The following MYO3B variants were observed in gnomAD, a reference collection of about 807,000 sequenced individuals.
MYO3B encodes the protein myosin IIIB.
In MYO3B, 156 loss-of-function variants were observed where a neutral mutation model predicts 174.6. That is an observed-to-expected ratio of 0.89 (90% CI 0.78 to 1.02). The LOEUF (loss-of-function observed/expected upper bound fraction) is 1.02. Ranked by LOEUF, MYO3B falls within the 50% of genes least tolerant of loss-of-function variation. MYO3B has a pLI of 0.00. For synonymous variants in MYO3B, 563 were observed against 569.1 expected, an observed-to-expected ratio of 0.99 and a Z score of 0.15; for missense variants, 1,632 against 1,639.4, an observed-to-expected ratio of 1.00 and a Z score of 0.08.
chr2:170,282,843 C>G (rs1037520597), intron 7 of MYO3B, among the ~76,000 whole-genome samples: 1 of 152,086 alleles, frequency 6.6e-6, no homozygotes, highest in Non-Finnish European at 1.5e-5. Flanking sequence ...GGGTTGCTAT[C>G]GGTGATAGCC....
intron 22 of MYO3B, among the ~76,000 whole-genome samples, chr2:170,409,000 G>A (rs1033830837): frequency 3.9e-4 from 59 of 152,144 alleles, no homozygotes; most frequent in African/African-American, 1.4e-3. Context: ...CCTTACCAGA[G>A]ACCCAGGGAT....
At position 170,356,464 on chromosome 2, in the gene MYO3B, G is replaced by A. The variant is rs999204842; in HGVS notation, c.816-12758G>A. On this transcript the variant is annotated intron_variant, in intron 8 of 34. Coordinates refer to ENST00000408978, the MANE Select transcript of MYO3B (RefSeq NM_138995.5). The stretch of plus-strand genomic sequence containing the variant: ...TGTAACCTCTGCTTCCTGGGTTCAA[G>A]CAGTTCTCCTGCCTCAGCCTCCTGA... Among the ~76,000 whole-genome samples, 14 of 152,180 alleles carry A rather than the reference G, an allele frequency of 9.2e-5. No homozygotes were observed. In the South Asian group the frequency reaches 2.9e-3, roughly 32 times the overall value.
chr2:170,186,980 C>G (rs67159198), intron 1 of MYO3B, among the ~76,000 whole-genome samples: 63,556 of 148,842 alleles, frequency 0.43, 14,850 homozygotes, highest in East Asian at 0.58. Context: ...TCCTTTTCAT[C>G]TCTGATTATA....
chr2:170,540,213 A>G (rs76299690), intron 30 of MYO3B, among the ~76,000 whole-genome samples: 564 of 152,114 alleles, frequency 3.7e-3, no homozygotes, highest in Middle Eastern at 6.8e-3. Context: ...AGTCCCACCT[A>G]CTTCGGAGTC....
chr2:170,357,299 C>T (rs1277106009), intron 8 of MYO3B, among the ~76,000 whole-genome samples: 1 of 146,270 alleles, frequency 6.8e-6, no homozygotes, highest in Admixed American at 6.9e-5. Flanking sequence ...GAGAGAGACT[C>T]CATCTCAAAA....
At chr2:170,597,747 TATA>T (rs952827259) in intron 32 of MYO3B, among the ~76,000 whole-genome samples, 1 of 152,242 alleles carries the variant, frequency 6.6e-6, no homozygotes, top group Admixed American at 6.5e-5. Context: ...GACAAGTAGA[TATA>T]ATAATATCTA....
chr2:170,444,002 G>C lies in MYO3B; in HGVS notation c.2686G>C (p.Ala896Pro), dbSNP rs753999476. The change falls in exon 23 of 35, where the codon GCC (alanine) becomes CCC (proline). Residue 896 changes from alanine (A) to proline (P), a missense_variant. Coordinates refer to ENST00000408978, the MANE Select transcript of MYO3B (RefSeq NM_138995.5). ...LAQTRARITV[A>P]SSSLPPHFSA... ...CCAGACAAGAGCTAGGATAACAGTG[G>C]CCTCAAGTTCTTTGCCTCCACATTT... 1 of 1,613,078 alleles carries C rather than the reference G, an allele frequency of 6.2e-7. No individual in the cohort carries two copies. The highest frequency in any genetic ancestry group is 1.1e-5 in the South Asian group (1 of 90,950).
chr2:170,650,672 CTTTTTTTT>C (rs766676996), intron 32 of MYO3B, among the ~76,000 whole-genome samples: 25 of 76,992 alleles, frequency 3.2e-4, no homozygotes, highest in South Asian at 1.0e-3. Flanking sequence ...TGAATTATGA[CTTTTTTTT>C]TTTTTTTTTT....
intron 32 of MYO3B, among the ~76,000 whole-genome samples, chr2:170,584,933 C>T (rs1189330845): frequency 1.3e-5 from 2 of 152,200 alleles, no homozygotes; most frequent in African/African-American, 4.8e-5. Context: ...AGAACCTTTC[C>T]ACCTTTGTGT....
At chr2:170,637,527 G>C (rs1484060625) in intron 32 of MYO3B, among the ~76,000 whole-genome samples, 1 of 152,230 alleles carries the variant, frequency 6.6e-6, no homozygotes, top group East Asian at 1.9e-4. Context: ...ATGCTAATTT[G>C]TTGAGAAATC....
At chr2:170,592,695 A>C (rs548630524) in intron 32 of MYO3B, among the ~76,000 whole-genome samples, 1 of 152,104 alleles carries the variant, frequency 6.6e-6, no homozygotes, top group Admixed American at 6.5e-5. Context: ...GATCATGTAC[A>C]TTCTCTTTAG....
chr2:170,482,250 A>G (rs1435061283), intron 25 of MYO3B, among the ~76,000 whole-genome samples: 1 of 151,650 alleles, frequency 6.6e-6, no homozygotes, highest in Non-Finnish European at 1.5e-5. Flanking sequence ...CTCCCTCCAG[A>G]TTCAAGTGAT....
intron 30 of MYO3B, 158 bp downstream of exon 30, chr2:170,519,698 G>T (rs1040026121): frequency 1.6e-6 from 1 of 618,498 alleles, no homozygotes; most frequent in African/African-American, 1.9e-5. Flanking sequence ...AGGGCTGGGC[G>T]TGGTGGCTCA....
intron 7 of MYO3B, among the ~76,000 whole-genome samples, chr2:170,331,881 G>A (rs182457225): frequency 4.6e-5 from 7 of 152,158 alleles, no homozygotes; most frequent in Admixed American, 6.5e-5. Flanking sequence ...CCTTTCATAC[G>A]TTGAATCTCT....
intron 32 of MYO3B, among the ~76,000 whole-genome samples, chr2:170,588,331 C>G (rs923622606): frequency 4.6e-5 from 7 of 152,024 alleles, no homozygotes; most frequent in African/African-American, 1.7e-4. Context: ...CCTAGCTACT[C>G]AGGAGGCTGA....
chr2:170,219,166 C>G (rs911719728), intron 6 of MYO3B, among the ~76,000 whole-genome samples: 1 of 152,220 alleles, frequency 6.6e-6, no homozygotes, highest in Non-Finnish European at 1.5e-5. Context: ...TCCCTAATCC[C>G]TTGCCCACAT....
intron 7 of MYO3B, among the ~76,000 whole-genome samples, chr2:170,280,938 AGG>A (rs1559356412): frequency 6.6e-6 from 1 of 152,176 alleles, no homozygotes; most frequent in African/African-American, 2.4e-5. Context: ...CTTTTTGCTT[AGG>A]AGTGCCTTGG....
At chr2:170,505,182 A>AG (rs1687546848) in intron 28 of MYO3B, among the ~76,000 whole-genome samples, 2 of 151,968 alleles carry the variant, frequency 1.3e-5, no homozygotes, top group Admixed American at 1.3e-4. Flanking sequence ...TATGAGATGT[A>AG]GGGGGGAGAG....
chr2:170,309,884 A>G (rs1346829311), intron 7 of MYO3B, among the ~76,000 whole-genome samples: 1 of 152,194 alleles, frequency 6.6e-6, no homozygotes, highest in Non-Finnish European at 1.5e-5. Context: ...TCACCCCAAA[A>G]GGAAACAGTG....
Sources: gnomAD v4.1 joint callset for allele counts (sites outside exome capture counted in the v4.1 genomes callset) on GRCh38, gnomAD v4.1.1 for gene constraint, MANE v1.5 for transcripts, NCBI Gene and HGNC (gene_info 2026-07-23, HGNC 2026-07-21) for gene names.